RANBP2: variants seen among roughly 807,000 people sequenced by gnomAD.
The protein encoded by RANBP2 is RAN binding protein 2.
A neutral mutation model predicts 303.6 loss-of-function variants in RANBP2; 57 were observed. The observed-to-expected ratio is 0.19, with a 90% CI of 0.15 to 0.23. RANBP2 has a LOEUF of 0.23. Ranked by LOEUF, RANBP2 falls within the 10% of genes least tolerant of loss-of-function variation. The pLI, the probability that RANBP2 is intolerant of heterozygous loss-of-function variation, is 1.00. For missense variants in RANBP2, 3,138 were observed against 3,780.8 expected (o/e 0.83, Z 4.46); for synonymous variants, 1,167 against 1,301.5 (o/e 0.90, Z 2.23).
chr2:109,001,012 G>C, the RANBP2 span, among the ~76,000 whole-genome samples: 2 of 152,180 alleles, frequency 1.3e-5, no homozygotes, highest in African/African-American at 4.8e-5. Flanking sequence ...CTTCCAGGGG[G>C]AAGTAAAGAG....
the RANBP2 span, among the ~76,000 whole-genome samples, chr2:109,457,212 T>A: frequency 6.6e-6 from 1 of 152,216 alleles, no homozygotes; most frequent in African/African-American, 2.4e-5. Context: ...TTAGAAATTA[T>A]TATTAAGAAT....
At chr2:108,737,334 T>C (rs1695670951) in intron 6 of RANBP2, among the ~76,000 whole-genome samples, 1 of 128,902 alleles carries the variant, frequency 7.8e-6, no homozygotes, top group Non-Finnish European at 1.6e-5. Context: ...TTTCTTTCTT[T>C]CTTTTTTTTT....
chr2:108,787,602 T>A (rs1049869417), downstream of RANBP2, among the ~76,000 whole-genome samples: 32 of 152,166 alleles, frequency 2.1e-4, no homozygotes, highest in African/African-American at 7.5e-4. Flanking sequence ...ATAGGAAAAT[T>A]TTTTCCTAGT....
the RANBP2 span, among the ~76,000 whole-genome samples, chr2:109,242,930 G>A: frequency 6.6e-6 from 1 of 152,216 alleles, no homozygotes; most frequent in African/African-American, 2.4e-5. Flanking sequence ...ATCAGGAATT[G>A]CAGCCAAAGG....
the RANBP2 span, among the ~76,000 whole-genome samples, chr2:109,359,752 A>G: frequency 6.6e-6 from 1 of 152,134 alleles, no homozygotes; most frequent in Non-Finnish European, 1.5e-5. Context: ...AAGGCACACA[A>G]CACACAGTTT....
At chr2:109,540,787 C>G in the RANBP2 span, among the ~76,000 whole-genome samples, 1 of 123,892 alleles carries the variant, frequency 8.1e-6, no homozygotes, top group Non-Finnish European at 1.6e-5. Flanking sequence ...AGCAACAGAG[C>G]AAGACCCTGT....
the RANBP2 span, among the ~76,000 whole-genome samples, chr2:108,860,527 A>G: frequency 2.4e-3 from 344 of 143,862 alleles, 1 homozygote; most frequent in Middle Eastern, 7.3e-3. Context: ...TTTTTTTTTT[A>G]TCCTAAAGAG....
the RANBP2 span, among the ~76,000 whole-genome samples, chr2:109,232,786 C>T: frequency 1.3e-5 from 2 of 152,318 alleles, no homozygotes; most frequent in Non-Finnish European, 1.5e-5. Flanking sequence ...GTCCCCTAAA[C>T]ACAGCTGAGA....
the RANBP2 span, among the ~76,000 whole-genome samples, chr2:109,462,296 G>A: frequency 1.3e-5 from 2 of 151,696 alleles, no homozygotes; most frequent in Non-Finnish European, 2.9e-5. Context: ...CTTGCCTGCT[G>A]AAAGCAAACT....
chr2:108,955,594 G>A, the RANBP2 span, among the ~76,000 whole-genome samples: 1 of 152,022 alleles, frequency 6.6e-6, no homozygotes, highest in Admixed American at 6.6e-5. Flanking sequence ...TGTAATCCCA[G>A]CTACCTGGGA....
At chr2:109,396,469 T>C in the RANBP2 span, among the ~76,000 whole-genome samples, 2,556 of 152,382 alleles carry the variant, frequency 0.017, 27 homozygotes, top group Non-Finnish European at 0.026. Context: ...GCAGCCACCC[T>C]GCTCCTGTGA....
chr2:109,219,928 C>G, the RANBP2 span, among the ~76,000 whole-genome samples: 10 of 152,162 alleles, frequency 6.6e-5, no homozygotes, highest in South Asian at 2.1e-4. Context: ...AAAAAGCACT[C>G]TAAAATTTAT....
the RANBP2 span, among the ~76,000 whole-genome samples, chr2:109,110,096 C>T: frequency 1.4e-4 from 22 of 152,088 alleles, no homozygotes; most frequent in African/African-American, 3.6e-4. Context: ...TGAGACAAAA[C>T]GCTGGAATAT....
At chr2:108,995,838 C>T in the RANBP2 span, among the ~76,000 whole-genome samples, 2 of 152,208 alleles carry the variant, frequency 1.3e-5, no homozygotes, top group African/African-American at 2.4e-5. Context: ...CAGAGTAGGA[C>T]GGAAGGAGCT....
chr2:109,730,981 T>C, the RANBP2 span, among the ~76,000 whole-genome samples: 1 of 151,720 alleles, frequency 6.6e-6, no homozygotes, highest in Non-Finnish European at 1.5e-5. Context: ...AGAGACAGGG[T>C]TTCTCCATGT....
the RANBP2 span, among the ~76,000 whole-genome samples, chr2:109,632,148 C>T: frequency 7.2e-5 from 11 of 152,174 alleles, no homozygotes; most frequent in African/African-American, 1.4e-4. Context: ...TGTGCCAGGA[C>T]GTGATGTGCC....
the RANBP2 span, among the ~76,000 whole-genome samples, chr2:109,486,923 C>G: frequency 6.6e-6 from 1 of 152,196 alleles, no homozygotes; most frequent in Non-Finnish European, 1.5e-5. Context: ...CCTAACAGAT[C>G]CGGCTGTTTG....
chr2:109,673,906 A>G, the RANBP2 span, among the ~76,000 whole-genome samples: 1 of 151,998 alleles, frequency 6.6e-6, no homozygotes, highest in Non-Finnish European at 1.5e-5. Context: ...GGCTATTCTG[A>G]GTGTGATGCC....
chr2:109,129,230 G>A, the RANBP2 span: 2 of 554,152 alleles, frequency 3.6e-6, no homozygotes, highest in Admixed American at 2.8e-5. Context: ...CTTCGTGCCC[G>A]GCAGCACCCC....
Sources: allele counts gnomAD v4.1 joint callset (sites outside exome capture counted in the v4.1 genomes callset), GRCh38; gene constraint gnomAD v4.1.1; transcripts MANE v1.5; gene names NCBI Gene and HGNC (gene_info 2026-07-23, HGNC 2026-07-21).